SLC9B1: variants seen among roughly 807,000 people sequenced by gnomAD.
SLC9B1 encodes the protein sodium/hydrogen exchanger 9B1.
In SLC9B1, 32 loss-of-function variants were observed where a neutral mutation model predicts 51.7. That is an observed-to-expected ratio of 0.62 (90% CI 0.47 to 0.83). The LOEUF (loss-of-function observed/expected upper bound fraction) is 0.83, where lower values mean the gene tolerates loss of function less well. Among genes scored for constraint, SLC9B1 ranks in the 40% least tolerant of loss-of-function variants. The pLI, the probability that SLC9B1 is intolerant of heterozygous loss-of-function variation, is 0.00. For synonymous variants in SLC9B1, 145 were observed against 212.7 expected, an observed-to-expected ratio of 0.68 and a Z score of 2.77; for missense variants, 406 against 613.2, an observed-to-expected ratio of 0.66 and a Z score of 3.57.
chr4:102,893,281 C>CAAAAA (rs58316456), intron 11 of SLC9B1, among the ~76,000 whole-genome samples: 990 of 35,120 alleles, frequency 0.028, 226 homozygotes, highest in African/African-American at 0.06. Context: ...GACTCCATCT[C>CAAAAA]AAAAAAAAAA....
intron 5 of SLC9B1, among the ~76,000 whole-genome samples, 178 bp downstream of exon 5, chr4:102,946,469 C>T (rs200792140): frequency 6.6e-6 from 1 of 150,534 alleles, no homozygotes; most frequent in African/African-American, 2.5e-5. Context: ...ATGCCACCAG[C>T]CCGGCTAATT....
In SLC9B1 at chr4:102,932,218, T is replaced by C; in HGVS notation, c.735A>G (p.Glu245=). The stretch of plus-strand genomic sequence containing the variant: ...CAGCCATTAATAAGGTTGGAATGCC[T>C]TCCTCAACACCATATCCATTTTCTT... The part of the protein sequence containing the change: ...VLQENGYGVE[E]GIPTLLMAAS... Residue 245 remains glutamate (E), a synonymous_variant, in exon 7 of 12, where the codon GAA becomes GAG. Coordinates refer to ENST00000296422, the MANE Select transcript of SLC9B1 (RefSeq NM_139173.4). The C allele has an allele frequency of 6.2e-7, 1 of 1,611,914 alleles. No homozygotes were observed. The highest frequency in any genetic ancestry group is 8.5e-7 in the Non-Finnish European group (1 of 1,179,798).
intron 11 of SLC9B1, among the ~76,000 whole-genome samples, chr4:102,893,409 T>C (rs1332024235): frequency 6.6e-6 from 1 of 150,604 alleles, no homozygotes; most frequent in Admixed American, 6.6e-5. Flanking sequence ...AAAATATAAA[T>C]GACCAAAACT....
chr4:102,889,659 T>TA (rs1305845835), intron 11 of SLC9B1: 4 of 152,216 alleles, frequency 2.6e-5, no homozygotes, highest in African/African-American at 9.6e-5. Flanking sequence ...TTTCAGTTGT[T>TA]AAAATATGCT....
At chr4:102,941,032 T>C (rs201641472) in intron 6 of SLC9B1, among the ~76,000 whole-genome samples, 1 of 152,098 alleles carries the variant, frequency 6.6e-6, no homozygotes, top group South Asian at 2.1e-4. Context: ...CTGGAAGATA[T>C]CCTAAGAAAT....
intron 3 of SLC9B1, among the ~76,000 whole-genome samples, chr4:102,955,164 TG>T (rs1289628347): frequency 2.0e-5 from 3 of 152,210 alleles, no homozygotes; most frequent in African/African-American, 7.2e-5. Flanking sequence ...AATTGAATCA[TG>T]GGGGTGGTTC....
intron 7 of SLC9B1, among the ~76,000 whole-genome samples, chr4:102,927,993 G>A (rs1280679537): frequency 6.6e-6 from 1 of 151,574 alleles, no homozygotes; most frequent in Non-Finnish European, 1.5e-5. Context: ...ACCAAACACC[G>A]CATGTTCTCA....
chr4:102,927,681 TA>T (rs1174382199), intron 7 of SLC9B1, among the ~76,000 whole-genome samples: 1 of 152,186 alleles, frequency 6.6e-6, no homozygotes, highest in Non-Finnish European at 1.5e-5. Flanking sequence ...TCCTCGAGGA[TA>T]TAGAACTAGA....
intron 1 of SLC9B1, among the ~76,000 whole-genome samples, chr4:103,008,010 G>T (rs1740880123): frequency 6.6e-6 from 1 of 152,106 alleles, no homozygotes. Flanking sequence ...ACAAAAATAA[G>T]ACTTCTTACT....
At chr4:102,948,452 A>G (rs1411130150) in intron 4 of SLC9B1, among the ~76,000 whole-genome samples, 1 of 152,138 alleles carries the variant, frequency 6.6e-6, no homozygotes, top group Non-Finnish European at 1.5e-5. Context: ...AAGATAATAT[A>G]GTTAAGTGGA....
At chr4:102,951,753 A>C (rs769681885) in intron 3 of SLC9B1, among the ~76,000 whole-genome samples, 3 of 151,950 alleles carry the variant, frequency 2.0e-5, no homozygotes. Flanking sequence ...CTAAAACACA[A>C]CTAATAGTAG....
At chr4:102,921,857 C>G (rs540988012) in intron 7 of SLC9B1, among the ~76,000 whole-genome samples, 1 of 152,278 alleles carries the variant, frequency 6.6e-6, no homozygotes, top group East Asian at 1.9e-4. Flanking sequence ...ACAAGAAGAG[C>G]TAACTATCCT....
intron 7 of SLC9B1, among the ~76,000 whole-genome samples, chr4:102,918,954 T>C (rs2110440964): frequency 6.6e-6 from 1 of 152,336 alleles, no homozygotes; most frequent in Non-Finnish European, 1.5e-5. Flanking sequence ...CTGCCAAGGC[T>C]TGGGGATTGA....
chr4:102,972,211 C>A (rs1738800857), intron 3 of SLC9B1, among the ~76,000 whole-genome samples: 1 of 152,142 alleles, frequency 6.6e-6, no homozygotes, highest in Admixed American at 6.5e-5. Context: ...AGACCAATAT[C>A]CCTGATGAAC....
rs980183359 is a variant in SLC9B1 at position 103,000,247 on chromosome 4, T to C, written c.-1-8535A>G. 3.3e-5 allele frequency among the ~76,000 whole-genome samples: 5 copies of C among 152,326 alleles called. No individual in the cohort carries two copies. In the South Asian group the frequency reaches 8.3e-4, roughly 25 times the overall value. ...GCCCTCCCAAATCGCATGTCCTTTA[T>C]ACATTTCAACATCAATCATGCCTTC... On this transcript the variant is annotated intron_variant, in intron 1 of 11. Coordinates refer to ENST00000296422, the MANE Select transcript of SLC9B1 (RefSeq NM_139173.4).
chr4:103,003,595 T>C (rs546668135), intron 1 of SLC9B1, among the ~76,000 whole-genome samples: 1 of 152,296 alleles, frequency 6.6e-6, no homozygotes, highest in South Asian at 2.1e-4. Flanking sequence ...CTGACACACA[T>C]GCACCCTTTT....
intron 3 of SLC9B1, among the ~76,000 whole-genome samples, chr4:102,955,671 T>G (rs1737748475): frequency 6.6e-6 from 1 of 151,752 alleles, no homozygotes; most frequent in African/African-American, 2.4e-5. Context: ...AGACAAAAAT[T>G]TAAATGAGAG....
intron 3 of SLC9B1, among the ~76,000 whole-genome samples, chr4:102,984,315 T>C (rs1739505690): frequency 6.6e-6 from 1 of 152,008 alleles, no homozygotes; most frequent in Non-Finnish European, 1.5e-5. Flanking sequence ...CAGGGCTTCA[T>C]CATGTTGCCA....
At chr4:103,008,956 C>G (rs893209302) in intron 1 of SLC9B1, among the ~76,000 whole-genome samples, 1 of 152,090 alleles carries the variant, frequency 6.6e-6, no homozygotes, top group Non-Finnish European at 1.5e-5. Flanking sequence ...CGTGCCACCA[C>G]GTCTGGCTAA....
Sources: allele counts gnomAD v4.1 joint callset (sites outside exome capture counted in the v4.1 genomes callset), GRCh38; gene constraint gnomAD v4.1.1; transcripts MANE v1.5; gene names NCBI Gene and HGNC (gene_info 2026-07-23, HGNC 2026-07-21).